The following PYROXD1 variants were observed in gnomAD, a reference collection of about 807,000 sequenced individuals.
The protein encoded by PYROXD1 is pyridine nucleotide-disulphide oxidoreductase domain 1.
Under a neutral mutation model 62.0 loss-of-function variants are expected in PYROXD1, and 42 were observed. That is an observed-to-expected ratio of 0.68 (90% CI 0.53 to 0.88). The LOEUF (loss-of-function observed/expected upper bound fraction) is 0.88. Ranked by LOEUF, PYROXD1 falls within the 40% of genes least tolerant of loss-of-function variation. PYROXD1 has a pLI of 0.00. For missense variants in PYROXD1, 493 were observed against 604.8 expected (o/e 0.82, Z 1.94); for synonymous variants, 170 against 206.4 (o/e 0.82, Z 1.51).
At chr12:21,450,445 A>T (rs2137258770) in intron 4 of PYROXD1, among the ~76,000 whole-genome samples, 1 of 152,346 alleles carries the variant, frequency 6.6e-6, no homozygotes, top group Admixed American at 6.5e-5. Flanking sequence ...TGATAGAATC[A>T]TAGAACAGAA....
At chr12:21,443,078 C>A (rs1454477442) in intron 2 of PYROXD1, among the ~76,000 whole-genome samples, 1 of 151,954 alleles carries the variant, frequency 6.6e-6, no homozygotes, top group East Asian at 1.9e-4. Flanking sequence ...GATGACAATA[C>A]CTCCATGTAT....
intron 5 of PYROXD1, among the ~76,000 whole-genome samples, chr12:21,452,423 C>T (rs1391057867): frequency 6.6e-6 from 1 of 151,760 alleles, no homozygotes; most frequent in Non-Finnish European, 1.5e-5. Context: ...AGGTGATTGG[C>T]CAAATTTGGC....
intron 10 of PYROXD1, among the ~76,000 whole-genome samples, chr12:21,465,517 G>GT (rs895936853): frequency 2.5e-4 from 37 of 148,744 alleles, no homozygotes; most frequent in South Asian, 8.6e-4. Context: ...TGATGGGGTT[G>GT]TTTTTTTTTT....
rs149190411 is a variant in PYROXD1 at position 21,455,987 on chromosome 12, C to T, written c.650-8C>T. On this transcript the variant is annotated splice_polypyrimidine_tract_variant and splice_region_variant and intron_variant, in intron 6 of 11. Transcript: ENST00000240651. ...TAATTTTTATATTATTTAATTTCAT[C>T]TCTTTAGGAAGGAAAAAGGAAGCTA... The T allele has an allele frequency of 8.4e-6, 13 of 1,551,706 alleles. No individual in the cohort carries two copies. The highest frequency in any genetic ancestry group is 1.1e-5 in the Non-Finnish European group (12 of 1,132,514).
At chr12:21,467,984 C>T (rs1286753114) in intron 11 of PYROXD1, among the ~76,000 whole-genome samples, 3 of 149,806 alleles carry the variant, frequency 2.0e-5, no homozygotes, top group Non-Finnish European at 4.4e-5. Context: ...TTATCTTATT[C>T]AGTCCTCTTC....
chr12:21,457,548 C>G (rs1418314094), intron 7 of PYROXD1, among the ~76,000 whole-genome samples: 1 of 151,512 alleles, frequency 6.6e-6, no homozygotes, highest in African/African-American at 2.4e-5. Context: ...AAAGAAATAC[C>G]TGAGAGTAGG....
At chr12:21,442,901 T>C (rs1420697433) in intron 2 of PYROXD1, among the ~76,000 whole-genome samples, 1 of 152,234 alleles carries the variant, frequency 6.6e-6, no homozygotes, top group Non-Finnish European at 1.5e-5. Context: ...GGGTCATTAT[T>C]GATTCTTTTA....
intron 2 of PYROXD1, among the ~76,000 whole-genome samples, chr12:21,440,798 A>C (rs1354337181): frequency 6.6e-6 from 1 of 152,148 alleles, no homozygotes; most frequent in Non-Finnish European, 1.5e-5. Context: ...TATTAGCTAT[A>C]GGCTTGTATA....
chr12:21,441,255 C>G (rs1351851429), intron 2 of PYROXD1: 1 of 152,230 alleles, frequency 6.6e-6, no homozygotes, highest in Non-Finnish European at 1.5e-5. Context: ...GAACTCCTGA[C>G]CTCGTGATCC....
chr12:21,438,290 C>G (rs766702998), intron 1 of PYROXD1: 1 of 153,952 alleles, frequency 6.5e-6, no homozygotes, highest in Non-Finnish European at 1.4e-5. Context: ...AGGCGCCAGC[C>G]ACCACGCCCC....
At chr12:21,458,405 A>G (rs1002781792) in intron 7 of PYROXD1, among the ~76,000 whole-genome samples, 2 of 152,168 alleles carry the variant, frequency 1.3e-5, no homozygotes, top group African/African-American at 4.8e-5. Context: ...TCTCCATGTC[A>G]GCAAGAAGAC....
intron 4 of PYROXD1, among the ~76,000 whole-genome samples, chr12:21,450,313 A>C (rs1942471759): frequency 6.6e-6 from 1 of 152,170 alleles, no homozygotes; most frequent in African/African-American, 2.4e-5. Context: ...CTACTTGGGG[A>C]ATATGTGATT....
chr12:21,445,595 G>T, intron 3 of PYROXD1, 129 bp downstream of exon 3: 2 of 894,360 alleles, frequency 2.2e-6, no homozygotes, highest in African/African-American at 1.7e-5. Flanking sequence ...TAGTGACATT[G>T]ATTTCCAGTA....
In PYROXD1 at chr12:21,440,450, TA is replaced by T; in HGVS notation, c.165+4del. On this transcript the variant is annotated splice_donor_region_variant and intron_variant, in intron 2 of 11. Coordinates refer to ENST00000240651, the MANE Select transcript of PYROXD1 (RefSeq NM_024854.5). The stretch of plus-strand genomic sequence containing the variant: ...AAAGCAGTTACAAATTTCAAGCAGG[TA>T]AGAACCTTTGTATAACTTGTTAATA... 6.4e-7 allele frequency: 1 copy of T among 1,553,238 alleles called. No individual in the cohort carries two copies. Among genetic ancestry groups the T allele is most frequent in the Non-Finnish European group, 8.8e-7 (1 of 1,134,572 alleles).
At position 21,445,455 on chromosome 12, in the gene PYROXD1, A is replaced by G; in HGVS notation, c.274A>G (p.Ser92Gly). ...AGAATCTGGCGTAAAGCAACTGAAGAGTGAAGAACACGTAAGATAATTGTT... is the reference window on the plus strand; with the variant it reads ...AGAATCTGGCGTAAAGCAACTGAAGGGTGAAGAACACGTAAGATAATTGTT... The part of the protein sequence containing the change: ...VIESGVKQLK[S>G]EEHCIVTEDG... The change falls in exon 3 of 12, where the codon AGT (serine) becomes GGT (glycine). Residue 92 changes from serine (S) to glycine (G), a missense_variant. Ser to Gly is a moderately conservative substitution (Grantham distance 56). Transcript: ENST00000240651. 6.3e-7 allele frequency: 1 copy of G among 1,591,600 alleles called. No individual in the cohort carries two copies. Among genetic ancestry groups the G allele is most frequent in the African/African-American group, 1.4e-5 (1 of 73,730 alleles).
intron 1 of PYROXD1, 36 bp downstream of exon 1, chr12:21,437,850 C>G (rs1476598326): frequency 3.8e-6 from 6 of 1,588,976 alleles, no homozygotes; most frequent in African/African-American, 2.7e-5. Flanking sequence ...CCTCTTTCCC[C>G]GACCCCAAAG....
intron 10 of PYROXD1, among the ~76,000 whole-genome samples, chr12:21,464,581 C>T (rs865983977): frequency 6.6e-5 from 10 of 152,198 alleles, no homozygotes; most frequent in East Asian, 5.8e-4. Context: ...GCTTATTATA[C>T]GCTAACCTGT....
intron 3 of PYROXD1, among the ~76,000 whole-genome samples, chr12:21,446,739 C>T (rs910805361): frequency 6.6e-6 from 1 of 151,968 alleles, no homozygotes; most frequent in African/African-American, 2.4e-5. Flanking sequence ...TAGCAAAACC[C>T]CATATCTACA....
At position 21,452,076 on chromosome 12, in the gene PYROXD1, C is replaced by T; in HGVS notation, c.415-5C>T. On this transcript the variant is annotated splice_region_variant and splice_polypyrimidine_tract_variant and intron_variant, in intron 4 of 11. Coordinates refer to ENST00000240651, the MANE Select transcript of PYROXD1 (RefSeq NM_024854.5). ...TACTACCTCATTATTTTCTTTTTAA[C>T]ATAGGAATTTCAGAAACAGCTTACT... 6.4e-7 allele frequency: 1 copy of T among 1,557,974 alleles called. No homozygotes were observed.
Sources: gnomAD v4.1 joint callset for allele counts (sites outside exome capture counted in the v4.1 genomes callset) on GRCh38, gnomAD v4.1.1 for gene constraint, MANE v1.5 for transcripts, NCBI Gene and HGNC (gene_info 2026-07-23, HGNC 2026-07-21) for gene names.